Variants in OPCML observed in about 807,000 individuals in gnomAD.
The protein encoded by OPCML is opioid-binding protein/cell adhesion molecule.
OPCML carries 13 observed loss-of-function variants against 37.8 expected under a neutral mutation model. That is an observed-to-expected ratio of 0.34 (90% confidence interval 0.22 to 0.55). The LOEUF is 0.55. Ranked by LOEUF, OPCML falls within the 20% of genes least tolerant of loss-of-function variation. The pLI is 0.91. For synonymous variants in OPCML, 176 were observed against 168.8 expected (o/e 1.04, Z -0.33); for missense variants, 341 against 435.6 (o/e 0.78, Z 1.93).
chr11:133,121,272 T>A (rs2137115560), intron 1 of OPCML, among the ~76,000 whole-genome samples: 1 of 152,318 alleles, frequency 6.6e-6, no homozygotes, highest in African/African-American at 2.4e-5. Context: ...AGCATTTCAA[T>A]TAATCTATAA....
At chr11:132,730,176 C>T (rs1338935297) in intron 2 of OPCML, among the ~76,000 whole-genome samples, 1 of 151,912 alleles carries the variant, frequency 6.6e-6, no homozygotes, top group Non-Finnish European at 1.5e-5. Flanking sequence ...CCACACCTAG[C>T]TAATTTTTTT....
chr11:132,680,827 C>T (rs952784535), intron 2 of OPCML, among the ~76,000 whole-genome samples: 1 of 152,162 alleles, frequency 6.6e-6, no homozygotes, highest in African/African-American at 2.4e-5. Context: ...ATGAGACTGA[C>T]AAGCCGCTCC....
chr11:133,511,751 T>C (rs1468848848), intron 1 of OPCML, among the ~76,000 whole-genome samples: 1 of 152,156 alleles, frequency 6.6e-6, no homozygotes, highest in Non-Finnish European at 1.5e-5. Flanking sequence ...TAACATACTA[T>C]AAAATTTATC....
chr11:133,042,127 G>A (rs1022250781), intron 1 of OPCML, among the ~76,000 whole-genome samples: 2 of 152,148 alleles, frequency 1.3e-5, no homozygotes, highest in African/African-American at 2.4e-5. Context: ...ACACGGAAAC[G>A]CAATGAGGCC....
intron 1 of OPCML, among the ~76,000 whole-genome samples, chr11:133,337,354 T>A (rs1374198965): frequency 2.0e-5 from 3 of 152,148 alleles, no homozygotes; most frequent in Non-Finnish European, 4.4e-5. Context: ...TTGATCAATA[T>A]GCAGTCAACA....
intron 5 of OPCML, 91 bp downstream of exon 5, chr11:132,437,131 C>T (rs1204611574): frequency 1.3e-6 from 2 of 1,536,738 alleles, no homozygotes; most frequent in East Asian, 2.3e-5. Context: ...GAACCTGGGT[C>T]CTTTGGAAAA....
intron 2 of OPCML, among the ~76,000 whole-genome samples, chr11:132,928,850 A>C (rs1298861598): frequency 1.3e-5 from 2 of 152,064 alleles, no homozygotes; most frequent in African/African-American, 4.8e-5. Context: ...GTGTGAATTA[A>C]CACATTCTCA....
At chr11:133,007,833 T>G (rs1380053798) in intron 1 of OPCML, 3 of 985,438 alleles carry the variant, frequency 3.0e-6, no homozygotes, top group Non-Finnish European at 3.6e-6. Context: ...CTTTTTGCAG[T>G]TGATACACGG....
intron 3 of OPCML, among the ~76,000 whole-genome samples, chr11:132,602,358 A>G (rs553317783): frequency 6.6e-6 from 1 of 152,306 alleles, no homozygotes; most frequent in African/African-American, 2.4e-5. Context: ...AAACCTATAG[A>G]TTGTTATACT....
intron 4 of OPCML, among the ~76,000 whole-genome samples, chr11:132,491,448 C>T (rs559313122): frequency 5.9e-5 from 9 of 152,332 alleles, no homozygotes; most frequent in Non-Finnish European, 8.8e-5. Flanking sequence ...TGGATTCCCT[C>T]GGCTGGACAG....
chr11:133,482,309 T>C (rs1947391362), intron 1 of OPCML, among the ~76,000 whole-genome samples: 1 of 152,118 alleles, frequency 6.6e-6, no homozygotes, highest in Non-Finnish European at 1.5e-5. Flanking sequence ...CGTCCTGCAT[T>C]TGAGGCAGCA....
chr11:132,678,651 A>T (rs997901176), intron 2 of OPCML, among the ~76,000 whole-genome samples: 4 of 152,226 alleles, frequency 2.6e-5, no homozygotes, highest in African/African-American at 9.7e-5. Context: ...ATATTGTATG[A>T]TTCCAGCTAC....
rs1445244062 is a variant in OPCML at position 132,417,539 on chromosome 11, T to C, written c.*2654A>G. Reference sequence around the variant, plus strand: ...TCCATAGTGGCCCTGAAGCCAGCCTTGTTGGGTTGAGAGGTTCTGATGATC... The same window carrying C: ...TCCATAGTGGCCCTGAAGCCAGCCTCGTTGGGTTGAGAGGTTCTGATGATC... On this transcript the variant is annotated 3_prime_UTR_variant, in exon 8 of 8. Transcript: ENST00000524381. 1 of 152,174 alleles carries C rather than the reference T, an allele frequency of 6.6e-6. No individual in the cohort carries two copies. Among genetic ancestry groups the C allele is most frequent in the Non-Finnish European group, 1.5e-5 (1 of 68,082 alleles). The allele number at this position is 152,174 out of a possible 1,614,324, so 9.4% of individuals were successfully genotyped here.
At chr11:132,816,360 G>A (rs563264947) in intron 2 of OPCML, among the ~76,000 whole-genome samples, 1 of 152,068 alleles carries the variant, frequency 6.6e-6, no homozygotes, top group African/African-American at 2.4e-5. Context: ...AAATATCTCC[G>A]AGGCATTATG....
rs147255879 is a variant in OPCML at position 133,117,933 on chromosome 11, G to A, written c.62-174923C>T. On this transcript the variant is annotated intron_variant, in intron 1 of 7. Transcript: ENST00000524381. ...ATATTCAAAAAGATGTTTCCAGAAGGGAATGGGGGCTGTCCAAGTTCCCCC... is the reference window on the plus strand; with the variant it reads ...ATATTCAAAAAGATGTTTCCAGAAGAGAATGGGGGCTGTCCAAGTTCCCCC... 1.4e-4 allele frequency: 142 copies of A among 985,314 alleles called. No homozygotes were observed. In the Middle Eastern group the frequency reaches 1.6e-3, roughly 11 times the overall value. The allele number at this position is 985,314 out of a possible 1,614,324, so 61.0% of individuals were successfully genotyped here.
intron 1 of OPCML, among the ~76,000 whole-genome samples, chr11:133,309,011 G>A (rs1943003757): frequency 6.6e-6 from 1 of 152,172 alleles, no homozygotes; most frequent in Admixed American, 6.5e-5. Flanking sequence ...ATTCTTCCTT[G>A]AAGGAGAATT....
chr11:132,844,093 G>T lies in OPCML; in HGVS notation c.146+98833C>A, dbSNP rs148188497. 2.8e-3 allele frequency among the ~76,000 whole-genome samples: 423 copies of T among 152,216 alleles called. 3 individuals carry two copies. The highest frequency in any genetic ancestry group is 9.7e-3 in the African/African-American group (404 of 41,532). On this transcript the variant is annotated intron_variant, in intron 2 of 7. Transcript: ENST00000524381. ...GATTTCCTGCACAAGCTCTCTTTTT[G>T]CCTGCTGCTATTCATGATTCATGTA...
At chr11:132,802,135 CTG>C (rs1938691906) in intron 2 of OPCML, among the ~76,000 whole-genome samples, 1 of 152,188 alleles carries the variant, frequency 6.6e-6, no homozygotes, top group Non-Finnish European at 1.5e-5. Context: ...CTGACTCAAA[CTG>C]TTACCTCGAA....
intron 2 of OPCML, among the ~76,000 whole-genome samples, chr11:132,808,724 C>T (rs1046841693): frequency 2.6e-5 from 4 of 152,076 alleles, no homozygotes; most frequent in Admixed American, 6.5e-5. Context: ...TGGGATTGTA[C>T]TGAATTTCTC....
Sources: allele counts gnomAD v4.1 joint callset (sites outside exome capture counted in the v4.1 genomes callset), GRCh38; gene constraint gnomAD v4.1.1; transcripts MANE v1.5; gene names NCBI Gene and HGNC (gene_info 2026-07-23, HGNC 2026-07-21).